The following REDIC1 variants were observed in gnomAD, a reference collection of about 807,000 sequenced individuals.
REDIC1 encodes HEI10 Interacting Protein 1.
At chr12:39,753,359 A>G in the REDIC1 span, among the ~76,000 whole-genome samples, 2 of 148,292 alleles carry the variant, frequency 1.3e-5, no homozygotes, top group Non-Finnish European at 2.9e-5. Context: ...TAAAACATTG[A>G]AAAGACTTTA....
chr12:39,735,649 G>T, the REDIC1 span, among the ~76,000 whole-genome samples: 1 of 152,226 alleles, frequency 6.6e-6, no homozygotes, highest in Non-Finnish European at 1.5e-5. Flanking sequence ...TTAGGGCACT[G>T]TCAGGAAAAT....
the REDIC1 span, chr12:39,716,874 A>T: frequency 7.7e-7 from 1 of 1,299,532 alleles, no homozygotes; most frequent in Non-Finnish European, 1.1e-6. Flanking sequence ...AATACATGCT[A>T]TATTAATAAT....
chr12:39,685,704 A>G, the REDIC1 span, among the ~76,000 whole-genome samples: 1 of 152,124 alleles, frequency 6.6e-6, no homozygotes, highest in African/African-American at 2.4e-5. Flanking sequence ...GCAGTTCTCC[A>G]AAGTCTTAAC....
chr12:39,831,832 G>A, the REDIC1 span, among the ~76,000 whole-genome samples: 17 of 152,184 alleles, frequency 1.1e-4, no homozygotes, highest in South Asian at 3.3e-3. Flanking sequence ...TCTACCATAA[G>A]CTTCCTGATG....
At chr12:39,781,486 G>C in the REDIC1 span, among the ~76,000 whole-genome samples, 1 of 152,142 alleles carries the variant, frequency 6.6e-6, no homozygotes. Context: ...CACAGTTGGG[G>C]CTCAATACAT....
the REDIC1 span, chr12:39,640,927 A>G: frequency 2.5e-6 from 4 of 1,584,452 alleles, no homozygotes; most frequent in East Asian, 2.2e-5. Context: ...TTTGATCACT[A>G]TATATTTTAT....
chr12:39,699,767 T>A, the REDIC1 span, among the ~76,000 whole-genome samples: 1 of 152,264 alleles, frequency 6.6e-6, no homozygotes, highest in Admixed American at 6.5e-5. Flanking sequence ...GAATGCCTCC[T>A]CAAGTGGGTC....
the REDIC1 span, among the ~76,000 whole-genome samples, chr12:39,891,236 T>C: frequency 4.6e-5 from 7 of 151,180 alleles, no homozygotes; most frequent in Admixed American, 6.6e-5. Flanking sequence ...TGCTGAGCTC[T>C]GCCTCTGCCC....
the REDIC1 span, among the ~76,000 whole-genome samples, chr12:39,867,899 C>A: frequency 6.6e-6 from 1 of 152,084 alleles, no homozygotes; most frequent in Non-Finnish European, 1.5e-5. Flanking sequence ...AGGGCTAAAA[C>A]CCCTATGACA....
the REDIC1 span, among the ~76,000 whole-genome samples, chr12:39,879,990 T>C: frequency 1.1e-4 from 16 of 152,160 alleles, no homozygotes; most frequent in Non-Finnish European, 1.5e-4. Context: ...GTCTTAATGA[T>C]AGTGAGTTCA....
chr12:39,694,167 T>G, the REDIC1 span, among the ~76,000 whole-genome samples: 1 of 152,156 alleles, frequency 6.6e-6, no homozygotes, highest in African/African-American at 2.4e-5. Context: ...GGGATCCTTA[T>G]ATATTAGAAA....
At chr12:39,906,950 T>A in the REDIC1 span, among the ~76,000 whole-genome samples, 11 of 152,192 alleles carry the variant, frequency 7.2e-5, no homozygotes, top group African/African-American at 2.7e-4. Flanking sequence ...ATTCTTTTTA[T>A]AAATAGAAAA....
the REDIC1 span, among the ~76,000 whole-genome samples, chr12:39,861,535 G>A: frequency 2.0e-5 from 3 of 152,140 alleles, no homozygotes; most frequent in Non-Finnish European, 2.9e-5. Context: ...TGAGGGAAGC[G>A]TACATAGGAA....
chr12:39,690,910 T>G, the REDIC1 span, among the ~76,000 whole-genome samples: 1 of 152,170 alleles, frequency 6.6e-6, no homozygotes, highest in Admixed American at 6.5e-5. Context: ...AAGTAGGTAT[T>G]GGAGTGCAGG....
the REDIC1 span, chr12:39,830,176 T>C: frequency 1.7e-5 from 28 of 1,613,612 alleles, no homozygotes; most frequent in Non-Finnish European, 2.4e-5. Flanking sequence ...GTTGATTTGT[T>C]CATCTTGTAG....
At chr12:39,723,899 G>T in the REDIC1 span, among the ~76,000 whole-genome samples, 265 of 152,172 alleles carry the variant, frequency 1.7e-3, no homozygotes, top group African/African-American at 6.1e-3. Flanking sequence ...ATTGCAATTT[G>T]TTTATAATTT....
the REDIC1 span, among the ~76,000 whole-genome samples, chr12:39,704,392 G>A: frequency 6.6e-6 from 1 of 152,102 alleles, no homozygotes; most frequent in Non-Finnish European, 1.5e-5. Context: ...ACGCCAGTTA[G>A]AATGGCAATC....
At chr12:39,776,232 C>A in the REDIC1 span, among the ~76,000 whole-genome samples, 2 of 149,584 alleles carry the variant, frequency 1.3e-5, no homozygotes, top group Admixed American at 6.7e-5. Flanking sequence ...TTCATATTGA[C>A]CAAAGGCCTC....
At chr12:39,797,087 G>C in the REDIC1 span, among the ~76,000 whole-genome samples, 7 of 152,212 alleles carry the variant, frequency 4.6e-5, no homozygotes, top group South Asian at 1.2e-3. Flanking sequence ...ACCCGATAAT[G>C]GAAACTATTC....
Sources: allele counts gnomAD v4.1 joint callset (sites outside exome capture counted in the v4.1 genomes callset), GRCh38; gene constraint gnomAD v4.1.1; transcripts MANE v1.5; gene names NCBI Gene and HGNC (gene_info 2026-07-23, HGNC 2026-07-21).